Variants in CERS3 observed in about 807,000 individuals in gnomAD.
CERS3 encodes ceramide synthase 3, also known as LAG1 homolog, ceramide synthase 3.
A neutral mutation model predicts 50.3 loss-of-function variants in CERS3; 33 were observed. The ratio of observed to expected loss-of-function variants is 0.66; its 90% CI spans 0.50 to 0.88. CERS3 has a LOEUF of 0.88. Among genes scored for constraint, CERS3 ranks in the 40% least tolerant of loss-of-function variants. The pLI is 0.00. For synonymous variants in CERS3, 176 were observed against 155.2 expected (o/e 1.13, Z -0.99); for missense variants, 470 against 460.3 (o/e 1.02, Z -0.19).
rs1390003696 is a variant in CERS3, at chr15:100,466,791, TCCTC to T, written c.845+2583_845+2586del. ...TTCCTTCCTTCCTTCCTTCCTTCCTTCCTCCCTCCCTCCCTCCCTCCCTCCCTCT... is the reference window on the plus strand; with the variant it reads ...TTCCTTCCTTCCTTCCTTCCTTCCTTCCTCCCTCCCTCCCTCCCTCCCTCT... On this transcript the variant is annotated intron_variant, in intron 10 of 11. Coordinates refer to ENST00000679737, the MANE Select transcript of CERS3 (RefSeq NM_001378789.1). Among the ~76,000 whole-genome samples, 37 of 29,128 alleles carry T rather than the reference TCCTC, an allele frequency of 1.3e-3. 4 individuals carry two copies. The highest frequency in any genetic ancestry group is 2.3e-3 in the African/African-American group (18 of 7,992). 19.1% of individuals were successfully genotyped at this position (29,128 alleles called of 152,430 possible). A position where few individuals can be genotyped will look rare whatever the true frequency, so the allele number is the denominator to read the frequency against.
chr15:100,438,186 A>G (rs1274915421), intron 11 of CERS3, among the ~76,000 whole-genome samples: 1 of 151,710 alleles, frequency 6.6e-6, no homozygotes, highest in South Asian at 2.1e-4. Context: ...CTGGGGTTAC[A>G]GGCCCACACC....
At chr15:100,474,830 A>G (rs575408670) in intron 8 of CERS3, among the ~76,000 whole-genome samples, 165 of 152,322 alleles carry the variant, frequency 1.1e-3, no homozygotes, top group African/African-American at 3.8e-3. Context: ...CTAGCTCAAG[A>G]TGTTAGTGCG....
Position 100,481,597 on chromosome 15 carries a change from G to A in CERS3, c.408-1551C>T, listed in dbSNP as rs188888647. Among the ~76,000 whole-genome samples the A allele has an allele frequency of 7.4e-4, 112 of 152,342 alleles. 1 individual carries two copies. Among genetic ancestry groups the A allele is most frequent in the Non-Finnish European group, 1.4e-3 (96 of 68,026 alleles). On this transcript the variant is annotated intron_variant, in intron 5 of 11. Coordinates refer to ENST00000679737, the MANE Select transcript of CERS3 (RefSeq NM_001378789.1). Reference sequence around the variant, plus strand: ...TCAGCTCCATCGGGCACGGTGCTGCGCACACATGCGCTATGTCACATTTTT... The same window carrying A: ...TCAGCTCCATCGGGCACGGTGCTGCACACACATGCGCTATGTCACATTTTT...
At chr15:100,474,750 CAG>C (rs1442411486) in intron 8 of CERS3, among the ~76,000 whole-genome samples, 1 of 152,194 alleles carries the variant, frequency 6.6e-6, no homozygotes, top group Non-Finnish European at 1.5e-5. Flanking sequence ...CCACAACAAA[CAG>C]AGGAGATAGG....
At chr15:100,433,391 G>C (rs1301544171) in intron 11 of CERS3, among the ~76,000 whole-genome samples, 3 of 151,824 alleles carry the variant, frequency 2.0e-5, no homozygotes, top group African/African-American at 7.3e-5. Context: ...TGAACATATA[G>C]CTTCAGGTTT....
intron 11 of CERS3, among the ~76,000 whole-genome samples, chr15:100,416,876 A>AG (rs2031953964): frequency 6.6e-6 from 1 of 152,246 alleles, no homozygotes; most frequent in African/African-American, 2.4e-5. Context: ...CAAATCAACA[A>AG]GCAAAAAACA....
chr15:100,521,447 T>C (rs1033976055), intron 2 of CERS3, among the ~76,000 whole-genome samples: 1 of 152,256 alleles, frequency 6.6e-6, no homozygotes. Flanking sequence ...TGCTGTCACA[T>C]GAAGCTTTCT....
rs189585071 is a variant in CERS3, at chr15:100,479,390, G to T, written c.516+38C>A. On this transcript the variant is annotated intron_variant, in intron 7 of 11. Coordinates refer to ENST00000679737, the MANE Select transcript of CERS3 (RefSeq NM_001378789.1). ...AGGAGATAATTTGAGGGATCTTGGT[G>T]TTCAAGTAAGGGGAGGAATATGTTA... 1.9e-4 allele frequency: 282 copies of T among 1,489,458 alleles called. 1 individual carries two copies. The African/African-American group carries it at 3.6e-3, about 19-fold the overall frequency. 92.3% of individuals were successfully genotyped at this position (1,489,458 alleles called of 1,614,324 possible). A position where few individuals can be genotyped will look rare whatever the true frequency, so the allele number is the denominator to read the frequency against.
intron 10 of CERS3, among the ~76,000 whole-genome samples, chr15:100,468,392 CA>C (rs1567640687): frequency 6.6e-6 from 1 of 152,170 alleles, no homozygotes; most frequent in Non-Finnish European, 1.5e-5. Flanking sequence ...TTAACCACTA[CA>C]CTCTGTTGTT....
intron 2 of CERS3, among the ~76,000 whole-genome samples, chr15:100,506,914 G>A (rs958803145): frequency 2.0e-5 from 3 of 152,146 alleles, no homozygotes; most frequent in Non-Finnish European, 4.4e-5. Flanking sequence ...TTTTGCACAC[G>A]TTAAATGGGT....
chr15:100,494,200 TTTTTC>T (rs1816626187), intron 3 of CERS3, among the ~76,000 whole-genome samples: 1 of 141,956 alleles, frequency 7.0e-6, no homozygotes, highest in East Asian at 2.1e-4. Flanking sequence ...TTAGTCACCT[TTTTTC>T]TTTTCATATA....
At chr15:100,537,449 G>A (rs1009022991) in intron 1 of CERS3, among the ~76,000 whole-genome samples, 1 of 152,300 alleles carries the variant, frequency 6.6e-6, no homozygotes, top group African/African-American at 2.4e-5. Flanking sequence ...AATTTATAAA[G>A]CAAAGAGGTT....
intron 11 of CERS3, among the ~76,000 whole-genome samples, chr15:100,436,492 G>A (rs1011501941): frequency 6.6e-6 from 1 of 152,066 alleles, no homozygotes; most frequent in African/African-American, 2.4e-5. Flanking sequence ...GCAAGGGGAG[G>A]AAGAGCATTA....
intron 10 of CERS3, among the ~76,000 whole-genome samples, 199 bp downstream of exon 10, chr15:100,469,179 G>A (rs2034881618): frequency 6.6e-6 from 1 of 152,226 alleles, no homozygotes; most frequent in Non-Finnish European, 1.5e-5. Context: ...ATCTCCCGTT[G>A]TAATAAGCCT....
intron 11 of CERS3, among the ~76,000 whole-genome samples, chr15:100,433,638 G>A (rs34745657): frequency 6.6e-6 from 1 of 152,100 alleles, no homozygotes; most frequent in East Asian, 1.9e-4. Flanking sequence ...CCTTTGCCCA[G>A]CCCAGCTACC....
intron 11 of CERS3, among the ~76,000 whole-genome samples, chr15:100,453,071 AAGAAGAATTTAC>A (rs1279408362): frequency 6.6e-6 from 1 of 151,752 alleles, no homozygotes; most frequent in Non-Finnish European, 1.5e-5. Context: ...CAAATTTACA[AAGAAGAATTTAC>A]AGCAATTCTC....
chr15:100,490,866 T>C lies in CERS3; in HGVS notation c.239A>G (p.Asn80Ser), dbSNP rs755603360. 2 of 1,612,846 alleles carry C rather than the reference T, an allele frequency of 1.2e-6. No individual in the cohort carries two copies. Among genetic ancestry groups the C allele is most frequent in the Non-Finnish European group, 1.7e-6 (2 of 1,179,304 alleles). ...IKETVRKVTP[N>S]TVLENFFKHS... ...TTTGAAAAAATTCTCTAAGACAGTA[T>C]TTGGTGTAACCTTTCGAACTGTCTC... The change falls in exon 4 of 12, where the codon AAT (asparagine) becomes AGT (serine). Residue 80 changes from asparagine (N) to serine (S), a missense_variant. Transcript: ENST00000679737.
chr15:100,502,267 A>AAAAAAG (rs2036033219), intron 2 of CERS3, among the ~76,000 whole-genome samples: 2 of 109,254 alleles, frequency 1.8e-5, no homozygotes, highest in Non-Finnish European at 3.6e-5. Context: ...AAAAAAAAAA[A>AAAAAAG]AAAGAAAGAA....
At chr15:100,497,378 G>C (rs57501171) in intron 3 of CERS3, among the ~76,000 whole-genome samples, 3 of 151,724 alleles carry the variant, frequency 2.0e-5, no homozygotes, top group African/African-American at 7.3e-5. Flanking sequence ...ATATATATAT[G>C]ACAGGGTTTT....
Sources: allele counts gnomAD v4.1 joint callset (sites outside exome capture counted in the v4.1 genomes callset), GRCh38; gene constraint gnomAD v4.1.1; transcripts MANE v1.5; gene names NCBI Gene and HGNC (gene_info 2026-07-23, HGNC 2026-07-21).